The following WBP4 variants were observed in gnomAD, a reference collection of about 807,000 sequenced individuals.
The protein encoded by WBP4 is WW domain-binding protein 4.
WBP4 carries 37 observed loss-of-function variants against 55.4 expected under a neutral mutation model. The observed-to-expected ratio is 0.67, with a 90% CI of 0.51 to 0.88. WBP4 has a LOEUF of 0.88. WBP4 is among the 40% of genes least tolerant of loss of function. WBP4 has a pLI of 0.00. For missense variants in WBP4, 398 were observed against 420.8 expected (o/e 0.95, Z 0.47); for synonymous variants, 142 against 140.2 (o/e 1.01, Z -0.09).
intron 8 of WBP4, among the ~76,000 whole-genome samples, chr13:41,079,763 A>G (rs1878680883): frequency 6.6e-6 from 1 of 152,180 alleles, no homozygotes; most frequent in African/African-American, 2.4e-5. Flanking sequence ...ACTTGCACTC[A>G]TATATTTGTA....
In WBP4 at chr13:41,074,892, G is replaced by T. The variant is rs372582054; in HGVS notation, c.563-1152G>T. Among the ~76,000 whole-genome samples, 4 of 152,298 alleles carry T rather than the reference G, an allele frequency of 2.6e-5. No individual in the cohort carries two copies. In the South Asian group the frequency reaches 8.3e-4, roughly 32 times the overall value. On this transcript the variant is annotated intron_variant, in intron 7 of 9. Coordinates refer to ENST00000379487, the MANE Select transcript of WBP4 (RefSeq NM_007187.5). ...TGCCTGTGGTCCCAGTTACTCGGGA[G>T]GCTGAAGCAGGAGAATCGCTTGAAC...
chr13:41,065,886 C>G (rs1245238013), intron 4 of WBP4, among the ~76,000 whole-genome samples: 1 of 152,126 alleles, frequency 6.6e-6, no homozygotes, highest in Non-Finnish European at 1.5e-5. Context: ...ATATCAAATC[C>G]GTTTTCCTTA....
chr13:41,066,119 A>T (rs1380062706), intron 4 of WBP4, among the ~76,000 whole-genome samples: 1 of 152,218 alleles, frequency 6.6e-6, no homozygotes, highest in Non-Finnish European at 1.5e-5. Flanking sequence ...TGGTTCCTTG[A>T]GGATAAAGCC....
Position 41,065,016 on chromosome 13 carries a change from A to G in WBP4, c.76A>G (p.Ser26Gly). ...CKCWIADNRP[S>G]VEFHERGKNH... The stretch of plus-strand genomic sequence containing the variant: ...GTTATTTTCTCTTTTCATTTTCAAG[A>G]GTGTTGAATTTCATGAAAGAGGAAA... The change falls in exon 3 of 10, where the codon AGT becomes GGT. Residue 26 changes from serine (S) to glycine (G), a missense_variant and splice_region_variant. Coordinates refer to ENST00000379487, the MANE Select transcript of WBP4 (RefSeq NM_007187.5). The G allele has an allele frequency of 1.9e-6, 3 of 1,569,212 alleles. No individual in the cohort carries two copies. The highest frequency in any genetic ancestry group is 2.6e-6 in the Non-Finnish European group (3 of 1,165,796).
At position 41,076,019 on chromosome 13, in the gene WBP4, C is replaced by T. The variant is rs199692158; in HGVS notation, c.563-25C>T. The T allele has an allele frequency of 3.1e-6, 5 of 1,597,262 alleles. No homozygotes were observed. In the East Asian group the frequency reaches 1.1e-4, roughly 36 times the overall value. On this transcript the variant is annotated intron_variant, in intron 7 of 9. Transcript: ENST00000379487. The stretch of plus-strand genomic sequence containing the variant: ...CTGAATAGAATTAATAACTAAATAA[C>T]ATGACTTTAAAATGTGTTGAGCAGA...
intron 8 of WBP4, 26 bp from the exon 9 acceptor site, chr13:41,080,620 A>G (rs1293754862): frequency 7.7e-6 from 12 of 1,557,044 alleles, no homozygotes; most frequent in African/African-American, 2.8e-5. Context: ...CTTGAACTGT[A>G]TTATTTCTTG....
At chr13:41,069,555 G>A (rs1566210144) in intron 5 of WBP4, among the ~76,000 whole-genome samples, 1 of 152,056 alleles carries the variant, frequency 6.6e-6, no homozygotes, top group Non-Finnish European at 1.5e-5. Flanking sequence ...CCAGCTACTT[G>A]GGAGGCTGAG....
At chr13:41,073,358 C>T (rs911550380) in intron 7 of WBP4, among the ~76,000 whole-genome samples, 2 of 151,470 alleles carry the variant, frequency 1.3e-5, no homozygotes, top group Non-Finnish European at 2.9e-5. Flanking sequence ...CTGTTAAATA[C>T]AAACAAATTA....
rs1555284056 is a variant in WBP4 at position 41,062,109 on chromosome 13, T to TTTG, written c.2+436_2+437insGTT. ...GATAGCGTAATGGTTTTTTTTTTTT[T>TTTG]TTTTTTTTTTTTTTTGTCGGCCGTC... On this transcript the variant is annotated intron_variant, in intron 1 of 9. Coordinates refer to ENST00000379487, the MANE Select transcript of WBP4 (RefSeq NM_007187.5). 1.4e-5 allele frequency: 14 copies of TTTG among 966,262 alleles called. No homozygotes were observed. In the African/African-American group the frequency reaches 2.6e-4, roughly 18 times the overall value. The allele number at this position is 966,262 out of a possible 1,614,324, so 59.9% of individuals were successfully genotyped here.
At chr13:41,076,322 A>C in intron 8 of WBP4, 85 bp downstream of exon 8, 1 of 1,084,214 alleles carries the variant, frequency 9.2e-7, no homozygotes, top group Non-Finnish European at 1.2e-6. Flanking sequence ...TTCTGTCCCC[A>C]GGCTGGAGTA....
chr13:41,072,045 C>CAAAA (rs560903455), intron 6 of WBP4, among the ~76,000 whole-genome samples: 2 of 50,786 alleles, frequency 3.9e-5, no homozygotes, highest in Non-Finnish European at 9.9e-5. Flanking sequence ...GACTCCGTCT[C>CAAAA]AAAAAAAAAA....
intron 9 of WBP4, among the ~76,000 whole-genome samples, 165 bp downstream of exon 9, chr13:41,080,974 C>T (rs956150844): frequency 2.0e-5 from 3 of 151,780 alleles, no homozygotes; most frequent in African/African-American, 4.8e-5. Context: ...CTGAGGTGGG[C>T]GGATCACGAG....
intron 1 of WBP4, 152 bp from the exon 2 acceptor site, chr13:41,062,492 T>C: frequency 1.4e-6 from 1 of 735,250 alleles, no homozygotes; most frequent in Non-Finnish European, 2.0e-6. Context: ...TTGACTGTGC[T>C]CCAACCAGAT....
chr13:41,066,917 TAGAA>T (rs1877998212), intron 4 of WBP4, among the ~76,000 whole-genome samples: 1 of 152,222 alleles, frequency 6.6e-6, no homozygotes, highest in Admixed American at 6.5e-5. Context: ...ACATTTTCAT[TAGAA>T]CAAAAATAAG....
chr13:41,063,267 G>A (rs1210436915), intron 2 of WBP4, among the ~76,000 whole-genome samples: 1 of 152,072 alleles, frequency 6.6e-6, no homozygotes, highest in Non-Finnish European at 1.5e-5. Context: ...AAAGCACACC[G>A]CTGATTTTTC....
Position 41,082,709 on chromosome 13 carries a change from A to T in WBP4, c.926A>T (p.Glu309Val). ...TACTTTAACTCTATTTCCAGTGAGG[A>T]GGTAGATTTGGAACTTCCAAGCACT... ...EIKQEVESHE[E>V]VDLELPSTEN... Residue 309 changes from glutamate to valine, a missense_variant, in exon 10 of 10, where the codon GAG becomes GTG. Physicochemically the swap from Glu to Val is moderately radical, Grantham distance 121. Transcript: ENST00000379487. The T allele has an allele frequency of 5.6e-6, 9 of 1,613,778 alleles. No homozygotes were observed. The highest frequency in any genetic ancestry group is 7.6e-6 in the Non-Finnish European group (9 of 1,179,924).
Position 41,065,241 on chromosome 13 carries a change from C to T in WBP4, c.216C>T (p.Ala72=), listed in dbSNP as rs61740513. ...SKEFAAMEAA[A]LKAYQEDLKR... ...AGTTTGCTGCAATGGAGGCAGCTGCCCTGAAAGCATACCAAGAGGATTTGA... is the reference window on the plus strand; with the variant it reads ...AGTTTGCTGCAATGGAGGCAGCTGCTCTGAAAGCATACCAAGAGGATTTGA... Residue 72 remains alanine, a synonymous_variant, in exon 4 of 10, where the codon GCC becomes GCT. Transcript: ENST00000379487. The T allele has an allele frequency of 4.9e-3, 7,821 of 1,609,138 alleles. 336 individuals carry two copies. The African/African-American group carries it at 0.092, about 19-fold the overall frequency.
chr13:41,080,234 GAAA>G (rs1375041200), intron 8 of WBP4, among the ~76,000 whole-genome samples: 2 of 152,022 alleles, frequency 1.3e-5, no homozygotes, highest in Non-Finnish European at 2.9e-5. Context: ...ATAGGAAAAG[GAAA>G]AAAATTACAA....
At chr13:41,071,727 T>C (rs1254425703) in intron 6 of WBP4, among the ~76,000 whole-genome samples, 154 bp downstream of exon 6, 1 of 152,134 alleles carries the variant, frequency 6.6e-6, no homozygotes, top group East Asian at 1.9e-4. Context: ...ATGCTTTTGT[T>C]AGAAGGCTGG....
Sources: gnomAD v4.1 joint callset for allele counts (sites outside exome capture counted in the v4.1 genomes callset) on GRCh38, gnomAD v4.1.1 for gene constraint, MANE v1.5 for transcripts, NCBI Gene and HGNC (gene_info 2026-07-23, HGNC 2026-07-21) for gene names.